The following DPYSL2 variants were observed in gnomAD, a reference collection of about 807,000 sequenced individuals.
The protein encoded by DPYSL2 is dihydropyrimidinase-related protein 2.
DPYSL2 carries 13 observed loss-of-function variants against 69.9 expected under a neutral mutation model. That is an observed-to-expected ratio of 0.19 (90% CI 0.12 to 0.30). The LOEUF is 0.30. Among genes scored for constraint, DPYSL2 ranks in the 10% least tolerant of loss-of-function variants. DPYSL2 has a pLI of 1.00. For missense variants in DPYSL2, 587 were observed against 918.9 expected, an observed-to-expected ratio of 0.64 and a Z score of 4.67; for synonymous variants, 326 against 359.1, an observed-to-expected ratio of 0.91 and a Z score of 1.04.
chr8:26,587,963 G>A lies in DPYSL2; in HGVS notation c.628+3980G>A, dbSNP rs977535016. The stretch of plus-strand genomic sequence containing the variant: ...TGTGCGTCGGTGCAGGTGGCCAGGT[G>A]TGGAACATACACCTGTAGCTCTGGC... On this transcript the variant is annotated intron_variant, in intron 3 of 13. Transcript: ENST00000521913. This position sits in a 1 kb window ranked among gnomAD's most constrained non-coding sequence, Gnocchi z 4.2. Among the ~76,000 whole-genome samples the A allele has an allele frequency of 6.6e-6, 1 of 152,206 alleles. No individual in the cohort carries two copies. Among genetic ancestry groups the A allele is most frequent in the Non-Finnish European group, 1.5e-5 (1 of 68,040 alleles).
Position 26,514,590 on chromosome 8 carries a change from G to T in DPYSL2, c.265G>T (p.Ala89Ser). ...QPPYSRQGRRAGGEPSVESGR... is the reference protein window; with the variant it reads ...QPPYSRQGRRSGGEPSVESGR... The stretch of plus-strand genomic sequence containing the variant: ...GCCGTACTCGCGGCAGGGCCGGCGC[G>T]CCGGCGGAGAGCCATCTGTTGAATC... Residue 89 changes from alanine (A) to serine (S), a missense_variant, in exon 1 of 14, where the codon GCC becomes TCC. Ala to Ser is a moderately conservative substitution (Grantham distance 99). Transcript: ENST00000521913. This position sits in a 1 kb window ranked among gnomAD's most constrained non-coding sequence, Gnocchi z 8.4. 6.6e-7 allele frequency: 1 copy of T among 1,513,678 alleles called. No individual in the cohort carries two copies. Among genetic ancestry groups the T allele is most frequent in the South Asian group, 1.2e-5 (1 of 80,216 alleles). 93.8% of individuals were successfully genotyped at this position (1,513,678 alleles called of 1,614,324 possible).
intron 3 of DPYSL2, among the ~76,000 whole-genome samples, chr8:26,604,657 C>T (rs1802069260): frequency 6.9e-6 from 1 of 145,694 alleles, no homozygotes; most frequent in African/African-American, 2.5e-5. Flanking sequence ...TCAAGTCTTG[C>T]TTTTTTTTTT....
At chr8:26,646,394 C>T (rs1803165162) in intron 10 of DPYSL2, among the ~76,000 whole-genome samples, 1 of 152,220 alleles carries the variant, frequency 6.6e-6, no homozygotes, top group Admixed American at 6.5e-5. Flanking sequence ...CAATATATGT[C>T]ATTCCCCAGT....
At chr8:26,629,945 GCACA>G (rs990265627) in intron 7 of DPYSL2, among the ~76,000 whole-genome samples, 26 of 150,672 alleles carry the variant, frequency 1.7e-4, no homozygotes, top group African/African-American at 5.3e-4. Context: ...ACGTGCACAA[GCACA>G]CACACGTGCA....
Position 26,597,154 on chromosome 8 carries a change from A to G in DPYSL2, c.628+13171A>G, listed in dbSNP as rs1048742414. Among the ~76,000 whole-genome samples the G allele has an allele frequency of 6.6e-6, 1 of 152,236 alleles. No individual in the cohort carries two copies. Among genetic ancestry groups the G allele is most frequent in the Non-Finnish European group, 1.5e-5 (1 of 68,052 alleles). Reference sequence around the variant, plus strand: ...ATATTGGGTGTCTCTTCTCTCCTACAGAAGCCCTGGGTTGATGCCCTAGAT... The same window carrying G: ...ATATTGGGTGTCTCTTCTCTCCTACGGAAGCCCTGGGTTGATGCCCTAGAT... On this transcript the variant is annotated intron_variant, in intron 3 of 13. Coordinates refer to ENST00000521913, the MANE Select transcript of DPYSL2 (RefSeq NM_001197293.3). The surrounding 1 kb of genome is among the most constrained non-coding windows in gnomAD (Gnocchi z 5.2).
rs1803311582 is a variant in DPYSL2 at position 26,653,129 on chromosome 8, T to G, written c.1777-103T>G. On this transcript the variant is annotated intron_variant, in intron 12 of 13. Coordinates refer to ENST00000521913, the MANE Select transcript of DPYSL2 (RefSeq NM_001197293.3). This position sits in a 1 kb window ranked among gnomAD's most constrained non-coding sequence, Gnocchi z 5.7. ...GTCCACCTGTCTGTAAGGAGAGCCCTCCATCCCTAGATCTCACAGGCCCAT... is the reference window on the plus strand; with the variant it reads ...GTCCACCTGTCTGTAAGGAGAGCCCGCCATCCCTAGATCTCACAGGCCCAT... 2 of 1,395,850 alleles carry G rather than the reference T, an allele frequency of 1.4e-6. No individual in the cohort carries two copies. The highest frequency in any genetic ancestry group is 2.0e-6 in the Non-Finnish European group (2 of 1,023,050). 86.5% of individuals were successfully genotyped at this position (1,395,850 alleles called of 1,614,324 possible).
At position 26,562,464 on chromosome 8, in the gene DPYSL2, G is replaced by A. The variant is rs1347965797; in HGVS notation, c.355-19505G>A. On this transcript the variant is annotated intron_variant, in intron 1 of 13. Transcript: ENST00000521913. The surrounding 1 kb of genome is among the most constrained non-coding windows in gnomAD (Gnocchi z 4.9). ...ACAATCCACTCTCACCTTCTTACTG[G>A]TTGCCTCTGTTTGACCCTTGCACCA... 1.3e-5 allele frequency among the ~76,000 whole-genome samples: 2 copies of A among 152,022 alleles called. No homozygotes were observed. The highest frequency in any genetic ancestry group is 2.4e-5 in the African/African-American group (1 of 41,382).
At position 26,598,826 on chromosome 8, in the gene DPYSL2, G is replaced by A. The variant is rs529439420; in HGVS notation, c.628+14843G>A. ...GCAATCTTTCTTTCATTTTGCAGGCGGTGGGGGTGGGGGAATGAAAGCCCA... is the reference window on the plus strand; with the variant it reads ...GCAATCTTTCTTTCATTTTGCAGGCAGTGGGGGTGGGGGAATGAAAGCCCA... On this transcript the variant is annotated intron_variant, in intron 3 of 13. Transcript: ENST00000521913. This position sits in a 1 kb window ranked among gnomAD's most constrained non-coding sequence, Gnocchi z 4.2. Among the ~76,000 whole-genome samples the A allele has an allele frequency of 1.6e-4, 25 of 152,256 alleles. No homozygotes were observed. The highest frequency in any genetic ancestry group is 5.8e-4 in the African/African-American group (24 of 41,540).
chr8:26,583,942 A>G lies in DPYSL2; in HGVS notation c.587A>G (p.Gln196Arg), dbSNP rs113269672. The G allele has an allele frequency of 6.2e-7, 1 of 1,614,114 alleles. No homozygotes were observed. The highest frequency in any genetic ancestry group is 1.3e-5 in the African/African-American group (1 of 75,014). ...ATGACGTCTGCTGATGATTTCTTCC[A>G]AGGAACCAAGGCGGCCCTGGCTGGG... is the stretch of plus-strand genomic sequence containing the variant. ...QGMTSADDFF[Q>R]GTKAALAGGT... is the part of the protein sequence containing the mutation. Residue 196 changes from glutamine to arginine, a missense_variant, in exon 3 of 14, where the codon CAA becomes CGA. Physicochemically the swap from Gln to Arg is conservative, Grantham distance 43. Coordinates refer to ENST00000521913, the MANE Select transcript of DPYSL2 (RefSeq NM_001197293.3).
rs559657654 is a variant in DPYSL2, at chr8:26,642,236, G to A, written c.1127-1203G>A. ...AATGATCTTCAAGGTGTCTCCATCAGGTGGAAAGTCAAAAATTCAGAACTG... is the reference window on the plus strand; with the variant it reads ...AATGATCTTCAAGGTGTCTCCATCAAGTGGAAAGTCAAAAATTCAGAACTG... On this transcript the variant is annotated intron_variant, in intron 8 of 13. Coordinates refer to ENST00000521913, the MANE Select transcript of DPYSL2 (RefSeq NM_001197293.3). The surrounding 1 kb of genome is among the most constrained non-coding windows in gnomAD (Gnocchi z 5.3). Among the ~76,000 whole-genome samples, 1 of 152,306 alleles carries A rather than the reference G, an allele frequency of 6.6e-6. No individual in the cohort carries two copies. The highest frequency in any genetic ancestry group is 2.4e-5 in the African/African-American group (1 of 41,570).
chr8:26,655,754 A>T lies in DPYSL2; in HGVS notation c.*48A>T. ...CTGGGGACTGGGGATGGGACACCTG[A>T]GGACATTCTGAGACTTCTTTCTTCC... is the stretch of plus-strand genomic sequence containing the variant. On this transcript the variant is annotated 3_prime_UTR_variant, in exon 14 of 14. Coordinates refer to ENST00000521913, the MANE Select transcript of DPYSL2 (RefSeq NM_001197293.3). The T allele has an allele frequency of 6.1e-6, 8 of 1,315,480 alleles. No individual in the cohort carries two copies. Among genetic ancestry groups the T allele is most frequent in the Non-Finnish European group, 8.3e-6 (8 of 959,018 alleles). 81.5% of individuals were successfully genotyped at this position (1,315,480 alleles called of 1,614,324 possible).
chr8:26,582,100 C>T lies in DPYSL2; in HGVS notation c.443+43C>T, dbSNP rs769078245. The T allele has an allele frequency of 6.6e-7, 1 of 1,509,538 alleles. No individual in the cohort carries two copies. Among genetic ancestry groups the T allele is most frequent in the South Asian group, 1.1e-5 (1 of 88,624 alleles). The allele number at this position is 1,509,538 out of a possible 1,614,324, so 93.5% of individuals were successfully genotyped here. A position where few individuals can be genotyped will look rare whatever the true frequency, so the allele number is the denominator to read the frequency against. The stretch of plus-strand genomic sequence containing the variant: ...TATACAGATGTATTTGAACACTTTC[C>T]AGACTTCCCAAGTATTAGATACCAT... On this transcript the variant is annotated intron_variant, in intron 2 of 13. Coordinates refer to ENST00000521913, the MANE Select transcript of DPYSL2 (RefSeq NM_001197293.3). The surrounding 1 kb of genome is among the most constrained non-coding windows in gnomAD (Gnocchi z 4.1).
At position 26,647,002 on chromosome 8, in the gene DPYSL2, A is replaced by G. The variant is rs569851128; in HGVS notation, c.1426-628A>G. On this transcript the variant is annotated intron_variant, in intron 10 of 13. Coordinates refer to ENST00000521913, the MANE Select transcript of DPYSL2 (RefSeq NM_001197293.3). This position sits in a 1 kb window ranked among gnomAD's most constrained non-coding sequence, Gnocchi z 5.1. ...TCTCAAAAAAAAGATTAAAAAAAAA[A>G]AGGAAGCCTAGATCTGTGGCTGTAT... 9.9e-5 allele frequency among the ~76,000 whole-genome samples: 15 copies of G among 152,186 alleles called. No individual in the cohort carries two copies. Among genetic ancestry groups the G allele is most frequent in the African/African-American group, 3.6e-4 (15 of 41,514 alleles).
At chr8:26,649,638 C>T (rs986529466) in intron 11 of DPYSL2, among the ~76,000 whole-genome samples, 2 of 152,196 alleles carry the variant, frequency 1.3e-5, no homozygotes, top group Non-Finnish European at 1.5e-5. Context: ...GGAGACTTTC[C>T]CTGCATAGTA....
At chr8:26,639,011 T>C (rs1802981593) in intron 8 of DPYSL2, among the ~76,000 whole-genome samples, 1 of 152,178 alleles carries the variant, frequency 6.6e-6, no homozygotes, top group South Asian at 2.1e-4. Context: ...TCCGTCCTCC[T>C]CCTCACCCCT....
At position 26,588,749 on chromosome 8, in the gene DPYSL2, A is replaced by G. The variant is rs765388130; in HGVS notation, c.628+4766A>G. The stretch of plus-strand genomic sequence containing the variant: ...GGATGTGCATCAGGCACCTCCATCC[A>G]ACTGTCCCCAGTTGGACTCCCTGTC... On this transcript the variant is annotated intron_variant, in intron 3 of 13. Transcript: ENST00000521913. The surrounding 1 kb of genome is among the most constrained non-coding windows in gnomAD (Gnocchi z 5.4). Among the ~76,000 whole-genome samples, 35 of 152,044 alleles carry G rather than the reference A, an allele frequency of 2.3e-4. No homozygotes were observed. The highest frequency in any genetic ancestry group is 2.9e-4 in the Non-Finnish European group (20 of 67,990).
chr8:26,534,958 A>G (rs1800568522), intron 1 of DPYSL2, among the ~76,000 whole-genome samples: 2 of 152,220 alleles, frequency 1.3e-5, no homozygotes, highest in South Asian at 2.1e-4. Context: ...ATCTAGCTAC[A>G]GCATTTCTAT....
intron 8 of DPYSL2, among the ~76,000 whole-genome samples, chr8:26,636,387 G>A (rs1802916658): frequency 1.3e-5 from 2 of 152,340 alleles, no homozygotes; most frequent in East Asian, 1.9e-4. Flanking sequence ...GTGTCTGAAA[G>A]GGGGAAAGAA....
At chr8:26,526,658 G>C (rs926764259) in intron 1 of DPYSL2, among the ~76,000 whole-genome samples, 8 of 152,196 alleles carry the variant, frequency 5.3e-5, no homozygotes, top group African/African-American at 1.9e-4. Flanking sequence ...TGAAAGCGAT[G>C]CTCTCTATCA....
Sources: allele counts gnomAD v4.1 joint callset (sites outside exome capture counted in the v4.1 genomes callset), GRCh38; gene constraint gnomAD v4.1.1; non-coding constraint Gnocchi (gnomAD v3.1); transcripts MANE v1.5; gene names NCBI Gene and HGNC (gene_info 2026-07-23, HGNC 2026-07-21).